SDK2: variants seen among roughly 807,000 people sequenced by gnomAD.
The protein encoded by SDK2 is sidekick cell adhesion molecule 2.
A neutral mutation model predicts 253.9 loss-of-function variants in SDK2; 105 were observed. The ratio of observed to expected loss-of-function variants is 0.41; its 90% confidence interval spans 0.35 to 0.49. The LOEUF is 0.49. Among genes scored for constraint, SDK2 ranks in the 20% least tolerant of loss-of-function variants. SDK2 has a pLI of 0.06. For synonymous variants in SDK2, 1,249 were observed against 1,234.9 expected (o/e 1.01, Z -0.24); for missense variants, 2,608 against 3,003.0 (o/e 0.87, Z 3.07).
rs569093962 is a variant in SDK2, at chr17:73,641,681, C to T, written c.64+2344G>A. Among the ~76,000 whole-genome samples, 12 of 150,594 alleles carry T rather than the reference C, an allele frequency of 8.0e-5. No individual in the cohort carries two copies. The East Asian group carries it at 2.4e-3, about 30-fold the overall frequency. ...TGTCTCAAGGGAGGAACAATTGTTT[C>T]GTCCCTCGTTCTGTGCCATGCCTGG... On this transcript the variant is annotated intron_variant, in intron 1 of 44. Transcript: ENST00000392650.
intron 3 of SDK2, among the ~76,000 whole-genome samples, chr17:73,459,245 A>G (rs2063548587): frequency 6.6e-6 from 1 of 151,878 alleles, no homozygotes; most frequent in Non-Finnish European, 1.5e-5. Flanking sequence ...ATGCCTCCCA[A>G]CTCCAGATCC....
At chr17:73,610,774 T>C (rs971947881) in intron 1 of SDK2, among the ~76,000 whole-genome samples, 1 of 152,308 alleles carries the variant, frequency 6.6e-6, no homozygotes, top group South Asian at 2.1e-4. Flanking sequence ...TATATGTGTG[T>C]TCATGTATAT....
In SDK2 at chr17:73,423,378, A is replaced by C; in HGVS notation, c.1897+8T>G. On this transcript the variant is annotated splice_region_variant and intron_variant, in intron 14 of 44. Coordinates refer to ENST00000392650, the MANE Select transcript of SDK2 (RefSeq NM_001144952.2). ...GGGAGGTGTTGGAGGTGACCACGGG[A>C]AGCTTACTGTTCTCCGACATCTCCA... 2 of 1,440,974 alleles carry C rather than the reference A, an allele frequency of 1.4e-6. No individual in the cohort carries two copies. Among genetic ancestry groups the C allele is most frequent in the Non-Finnish European group, 1.8e-6 (2 of 1,084,030 alleles). 89.3% of individuals were successfully genotyped at this position (1,440,974 alleles called of 1,614,324 possible). A position where few individuals can be genotyped will look rare whatever the true frequency, so the allele number is the denominator to read the frequency against.
rs1357716500 is a variant in SDK2 at position 73,338,317 on chromosome 17, G to A, written c.*270C>T. ...ACTCCGTGTCCATAGCAGTGACACAGCCACTTCCCCAGCTCCGTGTAATTC... is the reference window on the plus strand; with the variant it reads ...ACTCCGTGTCCATAGCAGTGACACAACCACTTCCCCAGCTCCGTGTAATTC... On this transcript the variant is annotated 3_prime_UTR_variant, in exon 45 of 45. Transcript: ENST00000392650. This position sits in a 1 kb window ranked among gnomAD's most constrained non-coding sequence, Gnocchi z 5.0. The A allele has an allele frequency of 1.6e-5, 10 of 612,028 alleles. No homozygotes were observed. The highest frequency in any genetic ancestry group is 2.7e-5 in the Non-Finnish European group (9 of 327,730). The allele number at this position is 612,028 out of a possible 1,614,324, so 37.9% of individuals were successfully genotyped here.
intron 16 of SDK2, among the ~76,000 whole-genome samples, chr17:73,416,837 C>T (rs1178584686): frequency 6.6e-6 from 1 of 151,878 alleles, no homozygotes; most frequent in Admixed American, 6.6e-5. Context: ...GATCCACCTG[C>T]CTCAGCCTCC....
chr17:73,544,416 C>A (rs1325185298), intron 1 of SDK2, among the ~76,000 whole-genome samples: 1 of 152,200 alleles, frequency 6.6e-6, no homozygotes, highest in African/African-American at 2.4e-5. Context: ...GCACATTGAT[C>A]TTTGTGTCAC....
intron 1 of SDK2, among the ~76,000 whole-genome samples, chr17:73,596,227 G>C (rs1761257414): frequency 6.6e-6 from 1 of 152,150 alleles, no homozygotes; most frequent in Admixed American, 6.5e-5. Flanking sequence ...GGACCCGCAG[G>C]GTGAGTGGGG....
chr17:73,522,467 G>A (rs996730019), intron 1 of SDK2, among the ~76,000 whole-genome samples: 2 of 152,236 alleles, frequency 1.3e-5, no homozygotes, highest in Admixed American at 1.3e-4. Context: ...CCAGGGGACT[G>A]TATTCATTAT....
At chr17:73,594,245 G>A (rs2045723392) in intron 1 of SDK2, among the ~76,000 whole-genome samples, 1 of 152,112 alleles carries the variant, frequency 6.6e-6, no homozygotes, top group Admixed American at 6.5e-5. Context: ...GTCAGCCACT[G>A]GACAGCTCCC....
intron 1 of SDK2, among the ~76,000 whole-genome samples, chr17:73,599,776 C>T (rs1476042099): frequency 6.6e-6 from 1 of 152,182 alleles, no homozygotes; most frequent in Non-Finnish European, 1.5e-5. Flanking sequence ...GGCTGTGCCA[C>T]AGTCCTTGCC....
chr17:73,546,276 G>A lies in SDK2; in HGVS notation c.65-38679C>T, dbSNP rs182338522. Reference sequence around the variant, plus strand: ...AGGCGGAGGAGGAAAGAATCAATTAGTTCATTAGCTGACACGTCTGTGAAC... The same window carrying A: ...AGGCGGAGGAGGAAAGAATCAATTAATTCATTAGCTGACACGTCTGTGAAC... On this transcript the variant is annotated intron_variant, in intron 1 of 44. Transcript: ENST00000392650. Among the ~76,000 whole-genome samples the A allele has an allele frequency of 1.1e-4, 17 of 152,362 alleles. 1 individual carries two copies. In the East Asian group the frequency reaches 3.3e-3, roughly 29 times the overall value.
At chr17:73,374,683 G>C (rs2062763053) in intron 36 of SDK2, among the ~76,000 whole-genome samples, 1 of 150,424 alleles carries the variant, frequency 6.6e-6, no homozygotes, top group African/African-American at 2.5e-5. Flanking sequence ...GGCCAGGCTG[G>C]TCTCGAACTC....
At chr17:73,458,946 G>A (rs1158266116) in intron 3 of SDK2, among the ~76,000 whole-genome samples, 2 of 152,190 alleles carry the variant, frequency 1.3e-5, no homozygotes, top group African/African-American at 4.8e-5. Flanking sequence ...GGAGGTTGCG[G>A]TGAGCCGAGA....
chr17:73,420,470 A>AT lies in SDK2; in HGVS notation c.2046-1165dup, dbSNP rs200513882. ...CCTCAGCCTCAAGAGTAGCGGGATT[A>AT]TGGGTGCCTGCCACCAGGGCTGGCT... On this transcript the variant is annotated intron_variant, in intron 15 of 44. Coordinates refer to ENST00000392650, the MANE Select transcript of SDK2 (RefSeq NM_001144952.2). Among the ~76,000 whole-genome samples, 828 of 147,714 alleles carry AT rather than the reference A, an allele frequency of 5.6e-3. 8 individuals are homozygous for AT. Among genetic ancestry groups the AT allele is most frequent in the African/African-American group, 0.019 (776 of 39,816 alleles).
intron 2 of SDK2, among the ~76,000 whole-genome samples, chr17:73,483,680 TATTTATATATA>T (rs2063749200): frequency 6.3e-5 from 4 of 63,440 alleles, no homozygotes; most frequent in Non-Finnish European, 8.8e-5. Context: ...TATATATATA[TATTTATATATA>T]TATATATATA....
chr17:73,626,228 TG>T (rs2046199160), intron 1 of SDK2, among the ~76,000 whole-genome samples: 1 of 152,218 alleles, frequency 6.6e-6, no homozygotes, highest in Non-Finnish European at 1.5e-5. Flanking sequence ...CTGAGCGAGC[TG>T]GGGAACAGAT....
intron 21 of SDK2, among the ~76,000 whole-genome samples, chr17:73,400,104 G>A (rs905462168): frequency 1.3e-5 from 2 of 152,196 alleles, no homozygotes; most frequent in African/African-American, 4.8e-5. Flanking sequence ...GCAGGTGGAG[G>A]GATGCTGGCA....
chr17:73,382,982 TG>T (rs1366447794), intron 33 of SDK2, among the ~76,000 whole-genome samples: 3 of 152,162 alleles, frequency 2.0e-5, no homozygotes, highest in African/African-American at 7.2e-5. Flanking sequence ...TGAGCTGAGA[TG>T]GCACCATTAC....
Position 73,423,510 on chromosome 17 carries a change from G to T in SDK2, c.1773C>A (p.His591Gln). The change falls in exon 14 of 45, where the codon CAC becomes CAA. Residue 591 changes from histidine (H) to glutamine (Q), a missense_variant. Physicochemically the swap from His to Gln is conservative, Grantham distance 24. This residue lies in a region of SDK2 where 1,505 missense variants were observed against 1,859.1 expected (regional missense o/e 0.81). Transcript: ENST00000392650. ...GAGTGGCCACTGGGTGCTCGGGCGC[G>T]TGGGGCAGTTGCCTGGAAAAGAGAC... is the stretch of plus-strand genomic sequence containing the variant. ...SAHLRVRQLPHAPEHPVATLS... is the reference protein window; with the variant it reads ...SAHLRVRQLPQAPEHPVATLS... 6.4e-7 allele frequency: 1 copy of T among 1,568,676 alleles called. No homozygotes were observed. The highest frequency in any genetic ancestry group is 1.2e-5 in the South Asian group (1 of 83,912).
Sources: allele counts gnomAD v4.1 joint callset (sites outside exome capture counted in the v4.1 genomes callset), GRCh38; gene constraint gnomAD v4.1.1; regional missense constraint gnomAD v4.1.1; non-coding constraint Gnocchi (gnomAD v3.1); transcripts MANE v1.5; gene names NCBI Gene and HGNC (gene_info 2026-07-23, HGNC 2026-07-21).